Variants in EP400 observed in about 807,000 individuals in gnomAD.
EP400 encodes E1A-binding protein p400.
A neutral mutation model predicts 354.1 loss-of-function variants in EP400; 105 were observed. That is an observed-to-expected ratio of 0.30 (90% CI 0.25 to 0.35). The LOEUF is 0.35. EP400 is among the 10% of genes least tolerant of loss of function. The pLI is 1.00. For synonymous variants in EP400, 1,646 were observed against 1,716.9 expected (o/e 0.96, Z 1.02); for missense variants, 3,280 against 4,121.0 (o/e 0.80, Z 5.59).
rs756814236 is a variant in EP400, at chr12:132,044,789, T to C, written c.6631-11T>C. On this transcript the variant is annotated splice_polypyrimidine_tract_variant and intron_variant, in intron 36 of 52. Coordinates refer to ENST00000389561, the MANE Select transcript of EP400 (RefSeq NM_015409.5). Reference sequence around the variant, plus strand: ...GTTCCACATCTCATGGGCCTTCCCTTCTCCATGCAGCTCTGGACCCCACCC... The same window carrying C: ...GTTCCACATCTCATGGGCCTTCCCTCCTCCATGCAGCTCTGGACCCCACCC... 6.2e-6 allele frequency: 10 copies of C among 1,614,026 alleles called. No homozygotes were observed. The South Asian group carries it at 1.1e-4, about 18-fold the overall frequency.
At position 132,079,827 on chromosome 12, in the gene EP400, C is replaced by G. The variant is rs538749265; in HGVS notation, c.*2154C>G. On this transcript the variant is annotated 3_prime_UTR_variant, in exon 53 of 53. Coordinates refer to ENST00000389561, the MANE Select transcript of EP400 (RefSeq NM_015409.5). ...TACAAAACACGGACATATTTTTACT[C>G]GTAGCACTCAATTTAGTAACTTCTA... 4 of 152,212 alleles carry G rather than the reference C, an allele frequency of 2.6e-5. No individual in the cohort carries two copies. Among genetic ancestry groups the G allele is most frequent in the Non-Finnish European group, 5.9e-5 (4 of 68,040 alleles). 9.4% of individuals were successfully genotyped at this position (152,212 alleles called of 1,614,324 possible).
In EP400 at chr12:131,986,746, C is replaced by CTCA. The variant is rs775584543; in HGVS notation, c.2163_2165dup (p.Ala721_Gln722insHis). 2.1e-5 allele frequency: 34 copies of CTCA among 1,614,102 alleles called. No homozygotes were observed. In the Admixed American group the frequency reaches 5.2e-4, roughly 25 times the overall value. ...GCCCCCACCAAACCACAGAGTCCTG[C>CTCA]TCAGAATGCCACCTCGTCCCAAGAC... On this transcript the variant is annotated inframe_insertion, in exon 6 of 53. Transcript: ENST00000389561.
rs1192153575 is a variant in EP400, at chr12:132,052,553, GTCT to G, written c.7395-590_7395-588del. On this transcript the variant is annotated intron_variant, in intron 41 of 52. Coordinates refer to ENST00000389561, the MANE Select transcript of EP400 (RefSeq NM_015409.5). This position sits in a 1 kb window ranked among gnomAD's most constrained non-coding sequence, Gnocchi z 4.4. ...TGTTTTCCTCCATAGCAGCCAGTACGTCTTCAGACCCACTGCACATTTTACCTG... is the reference window on the plus strand; with the variant it reads ...TGTTTTCCTCCATAGCAGCCAGTACGTCAGACCCACTGCACATTTTACCTG... Among the ~76,000 whole-genome samples, 2 of 152,334 alleles carry G rather than the reference GTCT, an allele frequency of 1.3e-5. No homozygotes were observed. Among genetic ancestry groups the G allele is most frequent in the East Asian group, 1.9e-4 (1 of 5,186 alleles).
chr12:131,993,174 G>A (rs1344023574), intron 11 of EP400, among the ~76,000 whole-genome samples: 1 of 152,110 alleles, frequency 6.6e-6, no homozygotes, highest in Non-Finnish European at 1.5e-5. Flanking sequence ...CTACAGGTGC[G>A]GACTACTACG....
chr12:132,037,620 C>A, intron 30 of EP400, 62 bp from the exon 31 acceptor site: 1 of 1,320,730 alleles, frequency 7.6e-7, no homozygotes, highest in South Asian at 1.2e-5. Flanking sequence ...GCATGCTGTG[C>A]CCACCTGTTG....
Position 132,028,237 on chromosome 12 carries a change from T to G in EP400, c.5330T>G (p.Leu1777Arg). The G allele has an allele frequency of 6.2e-7, 1 of 1,614,158 alleles. No individual in the cohort carries two copies. Among genetic ancestry groups the G allele is most frequent in the Non-Finnish European group, 8.5e-7 (1 of 1,180,016 alleles). ...TCATCCTCAGAAAGTCCAAGTGAGC[T>G]GATGTTGACGCTTTGTCGGTGTGGA... ...YTSSSESPSELMLTLCRCGES... is the reference protein window; with the variant it reads ...YTSSSESPSERMLTLCRCGES... Residue 1777 changes from leucine to arginine, a missense_variant, in exon 27 of 53, where the codon CTG becomes CGG. Coordinates refer to ENST00000389561, the MANE Select transcript of EP400 (RefSeq NM_015409.5).
At chr12:131,993,596 G>A (rs1470392469) in intron 11 of EP400, among the ~76,000 whole-genome samples, 1 of 152,122 alleles carries the variant, frequency 6.6e-6, no homozygotes, top group Non-Finnish European at 1.5e-5. Flanking sequence ...TCTTAACAAC[G>A]GGGATATATT....
intron 29 of EP400, 144 bp downstream of exon 29, chr12:132,030,302 A>G: frequency 1.0e-6 from 1 of 969,304 alleles, no homozygotes; most frequent in South Asian, 1.7e-5. Context: ...TTAAAGTCTC[A>G]ATCCATCCTT....
intron 2 of EP400, among the ~76,000 whole-genome samples, chr12:131,969,819 G>C (rs1399402907): frequency 6.6e-6 from 1 of 152,172 alleles, no homozygotes; most frequent in African/African-American, 2.4e-5. Context: ...GGAGGCAGAG[G>C]CGGGCAGATC....
rs565664793 is a variant in EP400 at position 132,010,147 on chromosome 12, G to C, written c.3305-1351G>C. 2.8e-3 allele frequency among the ~76,000 whole-genome samples: 428 copies of C among 150,218 alleles called. 4 individuals are homozygous for C. The highest frequency in any genetic ancestry group is 0.01 in the African/African-American group (414 of 40,800). On this transcript the variant is annotated intron_variant, in intron 15 of 52. Coordinates refer to ENST00000389561, the MANE Select transcript of EP400 (RefSeq NM_015409.5). ...TGCCCAGGCTGGATGGATTGCAGTG[G>C]CGTGATCTCAGCTCACTGCAACCTC... is the stretch of plus-strand genomic sequence containing the variant.
chr12:132,050,835 A>G lies in EP400; in HGVS notation c.7394+180A>G. On this transcript the variant is annotated intron_variant, in intron 41 of 52. Transcript: ENST00000389561. The surrounding 1 kb of genome is among the most constrained non-coding windows in gnomAD (Gnocchi z 4.8). ...TTTCCTGCCGTGGGCTAGGGTATGC[A>G]TAGGACGGCCCCTGCCCTGTCTCTG... 3 of 700,916 alleles carry G rather than the reference A, an allele frequency of 4.3e-6. No individual in the cohort carries two copies. Among genetic ancestry groups the G allele is most frequent in the Non-Finnish European group, 7.4e-6 (3 of 407,398 alleles). 43.4% of individuals were successfully genotyped at this position (700,916 alleles called of 1,614,324 possible).
chr12:132,036,870 A>G (rs745319134), intron 30 of EP400, among the ~76,000 whole-genome samples: 3 of 152,078 alleles, frequency 2.0e-5, no homozygotes, highest in Non-Finnish European at 4.4e-5. Flanking sequence ...TCACGTATTT[A>G]GTTCCTTTGT....
intron 21 of EP400, 101 bp from the exon 22 acceptor site, chr12:132,019,948 G>A: frequency 7.8e-7 from 1 of 1,280,890 alleles, no homozygotes; most frequent in Non-Finnish European, 1.0e-6. Context: ...TCCCTGAGCT[G>A]GCTTCCTATG....
chr12:132,000,824 G>T (rs1893383129), intron 12 of EP400, among the ~76,000 whole-genome samples: 2 of 152,144 alleles, frequency 1.3e-5, no homozygotes, highest in Admixed American at 1.3e-4. Context: ...ATTCCCAATG[G>T]TTTTTTAGAA....
intron 2 of EP400, among the ~76,000 whole-genome samples, chr12:131,976,605 G>A (rs1302605033): frequency 6.6e-6 from 1 of 152,142 alleles, no homozygotes; most frequent in Non-Finnish European, 1.5e-5. Context: ...AGCTTCTCAG[G>A]AGGCTGAGGC....
rs2136492284 is a variant in EP400, at chr12:131,982,360, C to T, written c.1811C>T (p.Pro604Leu). 1.2e-6 allele frequency: 2 copies of T among 1,614,220 alleles called. No homozygotes were observed. Among genetic ancestry groups the T allele is most frequent in the Non-Finnish European group, 1.7e-6 (2 of 1,180,030 alleles). Residue 604 changes from proline (P) to leucine (L), a missense_variant, in exon 5 of 53, where the codon CCT (proline) becomes CTT (leucine). Pro to Leu is a moderately conservative substitution (Grantham distance 98, BLOSUM62 -3). This residue lies in a region of EP400 where 800 missense variants were observed against 840.0 expected (regional missense o/e 0.95). Coordinates refer to ENST00000389561, the MANE Select transcript of EP400 (RefSeq NM_015409.5). ...ACTCAGCAGCCCAATGTTCCCATCC[C>T]TGCACCGCCCAGCAGCCAACTCCCC... is the stretch of plus-strand genomic sequence containing the variant. ...VKTQQPNVPI[P>L]APPSSQLPIP...
At chr12:132,046,022 G>A in intron 39 of EP400, 122 bp downstream of exon 39, 1 of 1,268,796 alleles carries the variant, frequency 7.9e-7, no homozygotes, top group Non-Finnish European at 1.1e-6. Context: ...TGGGTCTGCG[G>A]TGAAGTCCAT....
intron 1 of EP400, among the ~76,000 whole-genome samples, chr12:131,959,138 T>C (rs907022461): frequency 2.0e-5 from 3 of 152,216 alleles, no homozygotes; most frequent in African/African-American, 7.2e-5. Context: ...AGTGCTAAAC[T>C]GTGCCACCAA....
rs533162775 is a variant in EP400, at chr12:132,052,624, G to A, written c.7395-522G>A. Among the ~76,000 whole-genome samples, 22 of 152,342 alleles carry A rather than the reference G, an allele frequency of 1.4e-4. No homozygotes were observed. Among genetic ancestry groups the A allele is most frequent in the African/African-American group, 5.1e-4 (21 of 41,580 alleles). On this transcript the variant is annotated intron_variant, in intron 41 of 52. Transcript: ENST00000389561. The surrounding 1 kb of genome is among the most constrained non-coding windows in gnomAD (Gnocchi z 4.4). ...GTGCTGTGATCGCTGGGACTCTAGC[G>A]TCTGGGAGCACAGACCCATCATTTG...
Sources: gnomAD v4.1 joint callset for allele counts (sites outside exome capture counted in the v4.1 genomes callset) on GRCh38, gnomAD v4.1.1 for gene constraint, gnomAD v4.1.1 regional missense constraint, Gnocchi (gnomAD v3.1) non-coding constraint, MANE v1.5 for transcripts, NCBI Gene and HGNC (gene_info 2026-07-23, HGNC 2026-07-21) for gene names.